RETREG3: variants seen among roughly 807,000 people sequenced by gnomAD.
The protein encoded by RETREG3 is reticulophagy regulator family member 3, also known as reticulophagy regulator 3.
RETREG3 carries 23 observed loss-of-function variants against 50.2 expected under a neutral mutation model. The observed-to-expected ratio is 0.46, with a 90% CI of 0.33 to 0.65. RETREG3 has a LOEUF of 0.65. Ranked by LOEUF, RETREG3 falls within the 30% of genes least tolerant of loss-of-function variation. The pLI is 0.02. For synonymous variants in RETREG3, 240 were observed against 234.4 expected (o/e 1.02, Z -0.22); for missense variants, 546 against 598.0 (o/e 0.91, Z 0.91).
intron 8 of RETREG3, 124 bp from the exon 9 acceptor site, chr17:42,582,394 T>A (rs567556121): frequency 2.8e-4 from 266 of 955,902 alleles, no homozygotes; most frequent in Admixed American, 1.4e-3. Flanking sequence ...GGGACTGGTA[T>A]ACCTTTCCCC....
chr17:42,582,751 T>C lies in RETREG3; in HGVS notation c.866A>G (p.Asp289Gly). 1 of 1,614,232 alleles carries C rather than the reference T, an allele frequency of 6.2e-7. No homozygotes were observed. Among genetic ancestry groups the C allele is most frequent in the Non-Finnish European group, 8.5e-7 (1 of 1,180,042 alleles). The change falls in exon 8 of 9, where the codon GAC (aspartate) becomes GGC (glycine). Residue 289 changes from aspartate to glycine, a missense_variant. By Grantham distance (94) the Asp-to-Gly change is moderately conservative. Coordinates refer to ENST00000309428, the MANE Select transcript of RETREG3 (RefSeq NM_178126.4). ...ATTGTCTGTACAGGAGACTTCAGCGTCTGAGTGCTCAGAGTCTGTGATGGC... is the reference window on the plus strand; with the variant it reads ...ATTGTCTGTACAGGAGACTTCAGCGCCTGAGTGCTCAGAGTCTGTGATGGC... ...ELAITDSEHS[D>G]AEVSCTDNGT...
intron 1 of RETREG3, among the ~76,000 whole-genome samples, chr17:42,597,619 ATTTTTTTT>A (rs869223820): frequency 1.2e-3 from 17 of 14,364 alleles, no homozygotes; most frequent in African/African-American, 5.8e-3. Flanking sequence ...ATATATATAT[ATTTTTTTT>A]TTTTTTTTTT....
intron 1 of RETREG3, among the ~76,000 whole-genome samples, chr17:42,601,872 G>C (rs966102407): frequency 6.6e-6 from 1 of 151,822 alleles, no homozygotes; most frequent in Non-Finnish European, 1.5e-5. Context: ...GACCTTAGGT[G>C]ACCTGCCTGC....
chr17:42,586,152 A>C lies in RETREG3; in HGVS notation c.505-15T>G. 6.2e-7 allele frequency: 1 copy of C among 1,613,596 alleles called. No homozygotes were observed. Among genetic ancestry groups the C allele is most frequent in the Non-Finnish European group, 8.5e-7 (1 of 1,179,758 alleles). On this transcript the variant is annotated splice_polypyrimidine_tract_variant and intron_variant, in intron 4 of 8. Coordinates refer to ENST00000309428, the MANE Select transcript of RETREG3 (RefSeq NM_178126.4). ...AGCAAGCAGAACTGGGGAATCAAGA[A>C]AGAGTATTAAGTTTCTGTCACATGG...
intron 1 of RETREG3, among the ~76,000 whole-genome samples, chr17:42,602,191 C>G (rs545933054): frequency 6.6e-6 from 1 of 152,016 alleles, no homozygotes; most frequent in East Asian, 1.9e-4. Context: ...GTGGTGCACG[C>G]CGGTAGTCCC....
In RETREG3 at chr17:42,605,632, T is replaced by C. The variant is rs59261672; in HGVS notation, c.239+3454A>G. Among the ~76,000 whole-genome samples, 3 of 152,320 alleles carry C rather than the reference T, an allele frequency of 2.0e-5. No homozygotes were observed. The East Asian group carries it at 5.8e-4, about 29-fold the overall frequency. ...CCAAGTTTCTGGGGACTTAACAGTATCTGTGCCTTTCACATGTAGGAGTCC... is the reference window on the plus strand; with the variant it reads ...CCAAGTTTCTGGGGACTTAACAGTACCTGTGCCTTTCACATGTAGGAGTCC... On this transcript the variant is annotated intron_variant, in intron 1 of 8. Coordinates refer to ENST00000309428, the MANE Select transcript of RETREG3 (RefSeq NM_178126.4).
chr17:42,588,140 A>G (rs1055994029), intron 2 of RETREG3, among the ~76,000 whole-genome samples: 3 of 152,214 alleles, frequency 2.0e-5, no homozygotes, highest in African/African-American at 7.2e-5. Flanking sequence ...GCCAAGGTGT[A>G]CAAGAAAAAT....
chr17:42,608,563 A>G (rs1324119352), intron 1 of RETREG3: 4 of 152,366 alleles, frequency 2.6e-5, no homozygotes, highest in Non-Finnish European at 4.4e-5. Flanking sequence ...GGGGGCTCAC[A>G]CTGACGCTTA....
At chr17:42,601,233 T>C (rs1192793986) in intron 1 of RETREG3, among the ~76,000 whole-genome samples, 7 of 149,218 alleles carry the variant, frequency 4.7e-5, no homozygotes, top group East Asian at 2.0e-4. Context: ...GCTGAGATTG[T>C]GCCACTGCAC....
intron 1 of RETREG3, among the ~76,000 whole-genome samples, chr17:42,607,819 A>C (rs1393804473): frequency 6.6e-6 from 1 of 151,868 alleles, no homozygotes; most frequent in Admixed American, 6.6e-5. Flanking sequence ...AAAAAAAAAA[A>C]AGGGAAAAAG....
intron 6 of RETREG3, among the ~76,000 whole-genome samples, 187 bp downstream of exon 6, chr17:42,584,938 A>G (rs2093118133): frequency 6.6e-6 from 1 of 152,170 alleles, no homozygotes; most frequent in African/African-American, 2.4e-5. Flanking sequence ...AGGATTACAA[A>G]TGATAAAAAC....
intron 1 of RETREG3, among the ~76,000 whole-genome samples, chr17:42,597,530 T>TAC (rs1369924468): frequency 7.9e-5 from 11 of 139,942 alleles, no homozygotes; most frequent in African/African-American, 2.2e-4. Flanking sequence ...TGTGTATATA[T>TAC]ATATATATAT....
intron 1 of RETREG3, among the ~76,000 whole-genome samples, chr17:42,594,786 G>A (rs2093140503): frequency 6.6e-6 from 1 of 151,764 alleles, no homozygotes; most frequent in African/African-American, 2.4e-5. Flanking sequence ...GCGAGGCGGA[G>A]CTTGCAGTGA....
At chr17:42,596,489 A>G (rs948390069) in intron 1 of RETREG3, 3 of 151,926 alleles carry the variant, frequency 2.0e-5, no homozygotes, top group Admixed American at 6.6e-5. Flanking sequence ...TGCAGGACTA[A>G]ACGAATGCAG....
At chr17:42,603,211 G>A (rs2093161606) in intron 1 of RETREG3, among the ~76,000 whole-genome samples, 1 of 152,124 alleles carries the variant, frequency 6.6e-6, no homozygotes, top group African/African-American at 2.4e-5. Context: ...ATACCATGGA[G>A]CCTCACTATT....
chr17:42,603,846 G>A (rs1597743468), intron 1 of RETREG3, among the ~76,000 whole-genome samples: 3 of 152,210 alleles, frequency 2.0e-5, no homozygotes, highest in African/African-American at 2.4e-5. Context: ...GCATGGTGGC[G>A]GGCGCCTGTA....
intron 1 of RETREG3, among the ~76,000 whole-genome samples, chr17:42,607,499 C>CAAAAAAA (rs34542887): frequency 2.1e-5 from 1 of 46,940 alleles, no homozygotes; most frequent in East Asian, 7.0e-4. Flanking sequence ...GACCTTGTCT[C>CAAAAAAA]AAAAAAAAAA....
At chr17:42,592,272 T>A (rs1032092831) in intron 1 of RETREG3, 110 bp from the exon 2 acceptor site, 4 of 799,306 alleles carry the variant, frequency 5.0e-6, no homozygotes, top group Non-Finnish European at 5.9e-6. Flanking sequence ...AGGTCTAGCT[T>A]TTTTTGTTCT....
In RETREG3 at chr17:42,582,192, G is replaced by A. The variant is rs778111697; in HGVS notation, c.1022C>T (p.Ala341Val). The change falls in exon 9 of 9, where the codon GCT becomes GTT. Residue 341 changes from alanine to valine, a missense_variant. By Grantham distance (64) the Ala-to-Val change is moderately conservative. Transcript: ENST00000309428. ...PDFPSINMDP[A>V]GLDDEDDTSI... The stretch of plus-strand genomic sequence containing the variant: ...AGTGTCGTCCTCATCATCCAGGCCA[G>A]CAGGATCCATATTAATGGAAGGGAA... The A allele has an allele frequency of 6.2e-6, 10 of 1,613,856 alleles. No homozygotes were observed. In the South Asian group the frequency reaches 9.9e-5, roughly 16 times the overall value.
Sources: gnomAD v4.1 joint callset for allele counts (sites outside exome capture counted in the v4.1 genomes callset) on GRCh38, gnomAD v4.1.1 for gene constraint, MANE v1.5 for transcripts, NCBI Gene and HGNC (gene_info 2026-07-23, HGNC 2026-07-21) for gene names.